Variants in CLCN5 observed in about 807,000 individuals in gnomAD.
CLCN5 encodes H(+)/Cl(-) exchange transporter 5.
In CLCN5, 17 loss-of-function variants were observed where a neutral mutation model predicts 54.0. The ratio of observed to expected loss-of-function variants is 0.31; its 90% CI spans 0.22 to 0.47. CLCN5 has a LOEUF of 0.47. CLCN5 is among the 20% of genes least tolerant of loss of function. The pLI is 1.00. For missense variants in CLCN5, 448 were observed against 646.7 expected, an observed-to-expected ratio of 0.69 and a Z score of 3.33; for synonymous variants, 222 against 233.0, an observed-to-expected ratio of 0.95 and a Z score of 0.43.
At chrX:50,063,831 C>G (rs1557190336) in intron 4 of CLCN5, among the ~76,000 whole-genome samples, 1 of 111,281 alleles carries the variant, frequency 9.0e-6, no homozygotes, top group Non-Finnish European at 1.9e-5. Flanking sequence ...GGGCGTCATC[C>G]CTGGGATGCA....
intron 3 of CLCN5, among the ~76,000 whole-genome samples, chrX:49,929,772 G>GTTTTTT (rs1348714780): frequency 1.7e-4 from 17 of 99,731 alleles, no homozygotes; most frequent in African/African-American, 6.3e-4. Context: ...ATAAATATAG[G>GTTTTTT]TTTTTTGTTT....
intron 4 of CLCN5, among the ~76,000 whole-genome samples, chrX:50,046,880 G>C (rs1229383726): frequency 1.8e-5 from 2 of 110,804 alleles, no homozygotes; most frequent in Non-Finnish European, 3.8e-5. Context: ...TTCAGAGGGG[G>C]AACTGATAGG....
intron 3 of CLCN5, among the ~76,000 whole-genome samples, chrX:49,927,079 G>A (rs1444148581): frequency 9.0e-6 from 1 of 111,173 alleles, no homozygotes; most frequent in African/African-American, 3.3e-5. Context: ...TGTTTGGGTT[G>A]AGACACCTAT....
intron 3 of CLCN5, among the ~76,000 whole-genome samples, chrX:49,997,083 T>A (rs1160279291): frequency 9.0e-6 from 1 of 111,712 alleles, no homozygotes; most frequent in Non-Finnish European, 1.9e-5. Context: ...TATCAGTAGT[T>A]CAGCATTTTC....
chrX:49,927,154 G>A (rs1396298660), intron 3 of CLCN5, among the ~76,000 whole-genome samples: 2 of 111,259 alleles, frequency 1.8e-5, no homozygotes, highest in Admixed American at 9.5e-5. Context: ...GCACAGATGG[G>A]GATCTAAAGT....
At chrX:50,084,349 G>C (rs781927752) in intron 9 of CLCN5, among the ~76,000 whole-genome samples, 1 of 111,422 alleles carries the variant, frequency 9.0e-6, no homozygotes, top group Non-Finnish European at 1.9e-5. Flanking sequence ...TACGTGGTGC[G>C]TGACAGTATT....
chrX:50,069,690 A>C lies in CLCN5; in HGVS notation c.164-189A>C, dbSNP rs782063221. 9 of 1,021,729 alleles carry C rather than the reference A, an allele frequency of 8.8e-6. No individual in the cohort carries two copies. In the African/African-American group the frequency reaches 1.7e-4, roughly 20 times the overall value. The allele number at this position is 1,021,729 out of a possible 1,213,427, so 84.2% of individuals were successfully genotyped here. ...CCATTCACACTGCCTTTAGCCACTC[A>C]TCATTTTGTGCCTACACCACAGAAA... On this transcript the variant is annotated intron_variant, in intron 4 of 14. Transcript: ENST00000376091.
At chrX:50,081,063 T>C (rs111571599) in intron 8 of CLCN5, among the ~76,000 whole-genome samples, 13,138 of 111,224 alleles carry the variant, frequency 0.12, 1,927 homozygotes, top group African/African-American at 0.41. Flanking sequence ...AATCATTTGG[T>C]ACCTTTCCCA....
intron 3 of CLCN5, among the ~76,000 whole-genome samples, chrX:49,937,822 GC>G (rs1926081959): frequency 9.0e-6 from 1 of 111,650 alleles, no homozygotes; most frequent in Non-Finnish European, 1.9e-5. Flanking sequence ...AATTTCTTGA[GC>G]TTTTTACTTA....
At chrX:50,009,574 G>A (rs1454500626) in intron 3 of CLCN5, 5 of 311,634 alleles carry the variant, frequency 1.6e-5, no homozygotes, top group Non-Finnish European at 3.1e-5. Context: ...GTGGCCTTGT[G>A]CAGGGGGATG....
intron 3 of CLCN5, among the ~76,000 whole-genome samples, chrX:49,977,011 A>G (rs1557177002): frequency 8.9e-6 from 1 of 111,959 alleles, no homozygotes. Flanking sequence ...ACAATGTGGA[A>G]GAAAAGGTCT....
intron 3 of CLCN5, among the ~76,000 whole-genome samples, chrX:49,980,098 A>G (rs782291954): frequency 1.2e-3 from 135 of 111,346 alleles, no homozygotes; most frequent in Non-Finnish European, 2.2e-3. Context: ...AAATATACCT[A>G]TGATTATTGG....
At chrX:49,958,884 G>C (rs1241380352) in intron 3 of CLCN5, among the ~76,000 whole-genome samples, 1 of 111,610 alleles carries the variant, frequency 9.0e-6, no homozygotes, top group Admixed American at 9.5e-5. Flanking sequence ...TTGCTTGCTC[G>C]CTCGCTCTGT....
chrX:50,072,578 G>A lies in CLCN5; in HGVS notation c.405G>A (p.Gly135=), dbSNP rs782499966. 2.5e-6 allele frequency: 3 copies of A among 1,190,196 alleles called. No individual in the cohort carries two copies. The highest frequency in any genetic ancestry group is 3.4e-6 in the Non-Finnish European group (3 of 876,388). Residue 135 remains glycine, a synonymous_variant, in exon 6 of 15, where the codon GGG becomes GGA. Coordinates refer to ENST00000376091, the MANE Select transcript of CLCN5 (RefSeq NM_001127898.4). Reference sequence around the variant, plus strand: ...GCTGGTTGTTGATGCTCCTTATTGGGCTTTTATCAGGTATGGTAAACTGTT... The same window carrying A: ...GCTGGTTGTTGATGCTCCTTATTGGACTTTTATCAGGTATGGTAAACTGTT... ...FSGWLLMLLI[G]LLSGSLAGLI... is the part of the protein sequence containing the mutation.
chrX:49,982,335 C>T (rs1557177779), intron 3 of CLCN5, among the ~76,000 whole-genome samples: 1 of 109,212 alleles, frequency 9.2e-6, no homozygotes, highest in African/African-American at 3.3e-5. Context: ...GCCACTGACC[C>T]GCTGAAAAAA....
chrX:50,081,608 T>C (rs1569540254), intron 8 of CLCN5, 33 bp from the exon 9 acceptor site: 1 of 1,125,256 alleles, frequency 8.9e-7, no homozygotes, highest in Admixed American at 2.2e-5. Context: ...ACTTCCTTAG[T>C]CTATATTCAA....
At position 50,042,391 on chromosome X, in the gene CLCN5, TG is replaced by T; in HGVS notation, c.94del (p.Asp32ThrfsTer11). 1 of 1,168,034 alleles carries T rather than the reference TG, an allele frequency of 8.6e-7. No homozygotes were observed. Among genetic ancestry groups the T allele is most frequent in the Non-Finnish European group, 1.1e-6 (1 of 871,076 alleles). On this transcript the variant is annotated frameshift_variant, in exon 4 of 15. Coordinates refer to ENST00000376091, the MANE Select transcript of CLCN5 (RefSeq NM_001127898.4). LOFTEE classifies it high-confidence loss of function. Reference sequence around the variant, plus strand: ...AACAGCTCCAGTGATGAAGACCTGATGGACATTCCAGCAACCGCTATGGATT... The same window carrying T: ...AACAGCTCCAGTGATGAAGACCTGATGACATTCCAGCAACCGCTATGGATT... ...FQNSSSDEDLMDIPATAMDFS... is the reference protein window; with the variant it reads ...FQNSSSDEDLXDIPATAMDFS...
chrX:50,076,693 A>AATTT (rs1211919541), intron 7 of CLCN5, among the ~76,000 whole-genome samples: 9 of 110,384 alleles, frequency 8.2e-5, no homozygotes, highest in South Asian at 3.9e-4. Flanking sequence ...ACACCTAGAT[A>AATTT]ATTTATTTAT....
chrX:50,091,797 T>C (rs1205244750), intron 14 of CLCN5, among the ~76,000 whole-genome samples: 4 of 112,540 alleles, frequency 3.6e-5, no homozygotes, highest in Non-Finnish European at 7.5e-5. Context: ...GAGTTCCTGC[T>C]GGCTCATAGA....
Sources: gnomAD v4.1 joint callset for allele counts (sites outside exome capture counted in the v4.1 genomes callset) on GRCh38, gnomAD v4.1.1 for gene constraint, MANE v1.5 for transcripts, NCBI Gene and HGNC (gene_info 2026-07-23, HGNC 2026-07-21) for gene names.